Variants in VEGFA observed in about 807,000 individuals in gnomAD.
VEGFA encodes vascular endothelial growth factor A, also known as vascular endothelial growth factor A, long form.
A neutral mutation model predicts 49.7 loss-of-function variants in VEGFA; 20 were observed. The observed-to-expected ratio is 0.40, with a 90% CI of 0.28 to 0.58. VEGFA has a LOEUF of 0.58. Among genes scored for constraint, VEGFA ranks in the 20% least tolerant of loss-of-function variants. The pLI, the probability that VEGFA is intolerant of heterozygous loss-of-function variation, is 0.40. For synonymous variants in VEGFA, 219 were observed against 223.4 expected, an observed-to-expected ratio of 0.98 and a Z score of 0.18; for missense variants, 505 against 553.5, an observed-to-expected ratio of 0.91 and a Z score of 0.88.
chr6:43,782,718 G>A (rs765957733), intron 7 of VEGFA: 9 of 168,122 alleles, frequency 5.4e-5, no homozygotes, highest in Non-Finnish European at 1.2e-4. Flanking sequence ...CTGTCTCCCC[G>A]CTCAGACTGA....
chr6:43,784,151 GCCTCTT>G (rs1200417139), intron 7 of VEGFA: 3 of 328,774 alleles, frequency 9.1e-6, no homozygotes, highest in Non-Finnish European at 1.7e-5. Flanking sequence ...TCAGCAGGGA[GCCTCTT>G]CTGATTAACT....
intron 5 of VEGFA, chr6:43,779,533 A>G (rs925959732): frequency 6.0e-5 from 23 of 384,238 alleles, no homozygotes; most frequent in Admixed American, 2.0e-4. Flanking sequence ...ACCCTTCAAG[A>G]CAGGGTGGGC....
chr6:43,780,812 G>A lies in VEGFA; in HGVS notation c.1034+9G>A, dbSNP rs2128045209. ...TATAAGTCCTGGAGCGTGTACGTTGGTGCCCGCTGCTGTCTAATGCCCTGG... is the reference window on the plus strand; with the variant it reads ...TATAAGTCCTGGAGCGTGTACGTTGATGCCCGCTGCTGTCTAATGCCCTGG... On this transcript the variant is annotated intron_variant, in intron 6 of 7. Coordinates refer to ENST00000672860, the MANE Select transcript of VEGFA (RefSeq NM_003376.6). 3.1e-6 allele frequency: 5 copies of A among 1,613,978 alleles called. No individual in the cohort carries two copies. The highest frequency in any genetic ancestry group is 2.7e-5 in the African/African-American group (2 of 75,010).
intron 7 of VEGFA, chr6:43,782,614 T>A (rs937612256): frequency 9.0e-6 from 2 of 222,662 alleles, no homozygotes; most frequent in African/African-American, 4.6e-5. Context: ...AGACTGGGCC[T>A]CCCTGAGGAA....
rs1769125243 is a variant in VEGFA at position 43,784,570 on chromosome 6, A to G, written c.*8A>G. The G allele has an allele frequency of 1.2e-6, 2 of 1,614,222 alleles. No individual in the cohort carries two copies. Among genetic ancestry groups the G allele is most frequent in the South Asian group, 1.1e-5 (1 of 91,084 alleles). ...GACAAGCCGAGGCGGTGAGCCGGGC[A>G]GGAGGAAGGAGCCTCCCTCAGGGTT... On this transcript the variant is annotated 3_prime_UTR_variant, in exon 8 of 8. Coordinates refer to ENST00000672860, the MANE Select transcript of VEGFA (RefSeq NM_003376.6).
Position 43,778,900 on chromosome 6 carries a change from A to T in VEGFA, c.944A>T (p.Asp315Val). ...CCTACCCATTGCAGACCAAAGAAAGATAGAGCAAGACAAGAAAAGTAAGTG... is the reference window on the plus strand; with the variant it reads ...CCTACCCATTGCAGACCAAAGAAAGTTAGAGCAAGACAAGAAAAGTAAGTG... The change falls in exon 5 of 8, where the codon GAT becomes GTT. Residue 315 changes from aspartate to valine, a missense_variant. By Grantham distance (152) the Asp-to-Val change is radical. Transcript: ENST00000672860. The T allele has an allele frequency of 6.2e-7, 1 of 1,614,182 alleles. No individual in the cohort carries two copies. Among genetic ancestry groups the T allele is most frequent in the South Asian group, 1.1e-5 (1 of 91,076 alleles).
Position 43,782,059 on chromosome 6 carries a change from C to A in VEGFA, c.1138C>A (p.Gln380Lys). ...CACAGACTCGCGTTGCAAGGCGAGGCAGCTTGAGTTAAACGAACGTACTTG... is the reference window on the plus strand; with the variant it reads ...CACAGACTCGCGTTGCAAGGCGAGGAAGCTTGAGTTAAACGAACGTACTTG... Residue 380 changes from glutamine to lysine, a missense_variant, in exon 7 of 8, where the codon CAG becomes AAG. Physicochemically the swap from Gln to Lys is moderately conservative, Grantham distance 53 (BLOSUM62 1). Around this residue, in one of 2 missense-constraint regions of VEGFA, gnomAD observed 165 missense variants for 231.7 expected, o/e 0.71. Transcript: ENST00000672860. The A allele has an allele frequency of 6.2e-7, 1 of 1,614,056 alleles. No homozygotes were observed. Among genetic ancestry groups the A allele is most frequent in the East Asian group, 2.2e-5 (1 of 44,884 alleles).
At position 43,785,512 on chromosome 6, in the gene VEGFA, T is replaced by C. The variant is rs542812735; in HGVS notation, c.*950T>C. ...TGTCCCGGCGAAGAGAAGAGACACA[T>C]TGTTGGAAGAAGCAGCCCATGACAG... On this transcript the variant is annotated 3_prime_UTR_variant, in exon 8 of 8. Coordinates refer to ENST00000672860, the MANE Select transcript of VEGFA (RefSeq NM_003376.6). 1.9e-5 allele frequency: 4 copies of C among 215,862 alleles called. No individual in the cohort carries two copies. The highest frequency in any genetic ancestry group is 6.8e-5 in the African/African-American group (3 of 44,340). The allele number at this position is 215,862 out of a possible 1,614,324, so 13.4% of individuals were successfully genotyped here. A position where few individuals can be genotyped will look rare whatever the true frequency, so the allele number is the denominator to read the frequency against.
intron 1 of VEGFA, chr6:43,772,241 C>T (rs1485406978): frequency 1.0e-5 from 2 of 193,782 alleles, no homozygotes; most frequent in East Asian, 1.9e-4. Context: ...AGAGAAGCCC[C>T]TGTCACCCCG....
intron 5 of VEGFA, 41 bp from the exon 6 acceptor site, chr6:43,780,691 C>G: frequency 6.2e-7 from 1 of 1,602,298 alleles, no homozygotes; most frequent in South Asian, 1.1e-5. Context: ...CTCCCCCCAC[C>G]GCCCCCGCTC....
chr6:43,782,291 C>G (rs935109362), intron 7 of VEGFA: 4 of 730,042 alleles, frequency 5.5e-6, no homozygotes, highest in Non-Finnish European at 8.8e-6. Context: ...ACTGGTCCAG[C>G]CTGGCGGGGC....
At chr6:43,778,639 C>T (rs149596777) in intron 4 of VEGFA, 103 bp downstream of exon 4, 23 of 1,259,908 alleles carry the variant, frequency 1.8e-5, no homozygotes, top group African/African-American at 1.2e-4. Flanking sequence ...TCCAGCTTCC[C>T]GCTATGTGAC....
At position 43,777,452 on chromosome 6, in the gene VEGFA, C is replaced by T. The variant is rs770796247; in HGVS notation, c.659-17C>T. ...TGTGTCGCCCACCGGGCTCATGTGT[C>T]ATCGCCTCTCATGCAGTGGTGAAGT... On this transcript the variant is annotated splice_polypyrimidine_tract_variant and intron_variant, in intron 2 of 7. Coordinates refer to ENST00000672860, the MANE Select transcript of VEGFA (RefSeq NM_003376.6). This position sits in a 1 kb window ranked among gnomAD's most constrained non-coding sequence, Gnocchi z 4.3. 41 of 1,613,392 alleles carry T rather than the reference C, an allele frequency of 2.5e-5. No individual in the cohort carries two copies. The highest frequency in any genetic ancestry group is 3.4e-5 in the Non-Finnish European group (40 of 1,180,026).
chr6:43,771,429 A>C, intron 1 of VEGFA, 117 bp downstream of exon 1: 1 of 1,063,868 alleles, frequency 9.4e-7, no homozygotes, highest in East Asian at 3.0e-5. Flanking sequence ...CATGGGCACC[A>C]GGCGTGCGGC....
intron 5 of VEGFA, chr6:43,779,736 C>T (rs1440127627): frequency 4.3e-6 from 2 of 463,250 alleles, no homozygotes; most frequent in Non-Finnish European, 8.7e-6. Context: ...CTTCCTTCCA[C>T]CCTTTGGTGC....
Position 43,770,226 on chromosome 6 carries a change from A to G in VEGFA, c.-481A>G, listed in dbSNP as rs1763188367. On this transcript the variant is annotated 5_prime_UTR_variant, in exon 1 of 8. Coordinates refer to ENST00000672860, the MANE Select transcript of VEGFA (RefSeq NM_003376.6). ...GGGGAGGATCGCGGAGGCTTGGGGC[A>G]GCCGGGTAGCTCGGAGGTCGTGGCG... The G allele has an allele frequency of 4.2e-6, 1 of 238,260 alleles. No individual in the cohort carries two copies. The highest frequency in any genetic ancestry group is 1.8e-4 in the South Asian group (1 of 5,446). The allele number at this position is 238,260 out of a possible 1,614,324, so 14.8% of individuals were successfully genotyped here.
At position 43,770,678 on chromosome 6, in the gene VEGFA, C is replaced by G; in HGVS notation, c.-29C>G. The G allele has an allele frequency of 2.0e-6, 3 of 1,537,900 alleles. No individual in the cohort carries two copies. The highest frequency in any genetic ancestry group is 2.6e-6 in the Non-Finnish European group (3 of 1,154,712). On this transcript the variant is annotated 5_prime_UTR_variant, in exon 1 of 8. Coordinates refer to ENST00000672860, the MANE Select transcript of VEGFA (RefSeq NM_003376.6). ...GCCGGAGCGCGGCGTGAGCCCTCCC[C>G]CTTGGGATCCCGCAGCTGACCAGTC...
At chr6:43,780,176 G>T in intron 5 of VEGFA, 1 of 210,132 alleles carries the variant, frequency 4.8e-6, no homozygotes, top group South Asian at 8.4e-5. Context: ...CAAGGTAGCC[G>T]CTTCCCCCAC....
At position 43,771,056 on chromosome 6, in the gene VEGFA, G is replaced by C. The variant is rs1164380167; in HGVS notation, c.350G>C (p.Gly117Ala). ...TGGCGACTCGGCGCTCGGAAGCCGG[G>C]CTCATGGACGGGTGAGGCGGCGGTG... is the stretch of plus-strand genomic sequence containing the variant. The change falls in exon 1 of 8, where the codon GGC (glycine) becomes GCC (alanine). Residue 117 changes from glycine to alanine, a missense_variant. Around this residue, in one of 2 missense-constraint regions of VEGFA, gnomAD observed 340 missense variants for 321.8 expected, o/e 1.06. Coordinates refer to ENST00000672860, the MANE Select transcript of VEGFA (RefSeq NM_003376.6). The C allele has an allele frequency of 1.3e-6, 2 of 1,516,434 alleles. No homozygotes were observed. The highest frequency in any genetic ancestry group is 5.2e-5 in the East Asian group (2 of 38,230). The allele number at this position is 1,516,434 out of a possible 1,614,324, so 93.9% of individuals were successfully genotyped here. A position where few individuals can be genotyped will look rare whatever the true frequency, so the allele number is the denominator to read the frequency against.
Sources: allele counts gnomAD v4.1 joint callset, GRCh38; gene constraint gnomAD v4.1.1; regional missense constraint gnomAD v4.1.1; non-coding constraint Gnocchi (gnomAD v3.1); transcripts MANE v1.5; gene names NCBI Gene and HGNC (gene_info 2026-07-23, HGNC 2026-07-21).